Variants in DNAJC14 observed in about 807,000 individuals in gnomAD.
DNAJC14 encodes dnaJ homolog subfamily C member 14.
Under a neutral mutation model 68.8 loss-of-function variants are expected in DNAJC14, and 12 were observed. That is an observed-to-expected ratio of 0.17 (90% confidence interval 0.11 to 0.28). The LOEUF is 0.28. Among genes scored for constraint, DNAJC14 ranks in the 10% least tolerant of loss-of-function variants. The pLI, the probability that DNAJC14 is intolerant of heterozygous loss-of-function variation, is 1.00. For synonymous variants in DNAJC14, 350 were observed against 321.5 expected (o/e 1.09, Z -0.95); for missense variants, 764 against 875.6 (o/e 0.87, Z 1.61).
rs760649302 is a variant in DNAJC14 at position 55,827,596 on chromosome 12, G to C, written c.1063C>G (p.Arg355Gly). The C allele has an allele frequency of 2.2e-5, 36 of 1,606,822 alleles. No individual in the cohort carries two copies. The highest frequency in any genetic ancestry group is 3.0e-5 in the Non-Finnish European group (35 of 1,174,604). The change falls in exon 2 of 7, where the codon CGG (arginine) becomes GGG (glycine). Residue 355 changes from arginine (R) to glycine (G), a missense_variant. Coordinates refer to ENST00000678005, the MANE Select transcript of DNAJC14 (RefSeq NM_032364.6). ...GWRFLVGLGDRLGWRDKATWL... is the reference protein window; with the variant it reads ...GWRFLVGLGDGLGWRDKATWL... ...GTAGCCTTATCCCTCCAGCCTAACC[G>C]GTCACCTAGTCCCACCAGAAACCGC... is the stretch of plus-strand genomic sequence containing the variant.
chr12:55,823,706 T>C (rs1228745697), intron 2 of DNAJC14, among the ~76,000 whole-genome samples, 198 bp from the exon 3 acceptor site: 2 of 125,496 alleles, frequency 1.6e-5, no homozygotes, highest in Non-Finnish European at 3.2e-5. Flanking sequence ...AATATCTTTT[T>C]TTTTTTTTTT....
intron 2 of DNAJC14, among the ~76,000 whole-genome samples, chr12:55,825,149 A>T (rs1880761294): frequency 6.6e-6 from 1 of 151,740 alleles, no homozygotes; most frequent in Non-Finnish European, 1.5e-5. Context: ...AAAAAAAAAA[A>T]AAAGAATATA....
intron 4 of DNAJC14, 60 bp downstream of exon 4, chr12:55,823,010 A>C: frequency 5.0e-6 from 8 of 1,602,524 alleles, no homozygotes; most frequent in Non-Finnish European, 6.8e-6. Flanking sequence ...CACTAGAAAG[A>C]TCCTTGGTTA....
chr12:55,822,087 G>T lies in DNAJC14; in HGVS notation c.1999C>A (p.Pro667Thr), dbSNP rs1196491653. The T allele has an allele frequency of 3.7e-6, 6 of 1,614,000 alleles. No homozygotes were observed. In the Admixed American group the frequency reaches 5.0e-5, roughly 13 times the overall value. The change falls in exon 7 of 7, where the codon CCT becomes ACT. Residue 667 changes from proline (P) to threonine (T), a missense_variant. Pro to Thr is a conservative substitution (Grantham distance 38, BLOSUM62 -1). Transcript: ENST00000678005. The part of the protein sequence containing the change: ...QMPNGNFFAA[P>T]QPAPGAAAAS... The stretch of plus-strand genomic sequence containing the variant: ...GCAGCGGCTCCAGGGGCAGGCTGAG[G>T]AGCTGCAAAGAAGTTCCCATTGGGC...
At chr12:55,827,221 A>C in intron 2 of DNAJC14, 31 bp downstream of exon 2, 1 of 1,405,388 alleles carries the variant, frequency 7.1e-7, no homozygotes, top group Non-Finnish European at 9.3e-7. Flanking sequence ...TGGGAACAAA[A>C]GAGAGAAACA....
At chr12:55,822,936 G>A in intron 4 of DNAJC14, 134 bp downstream of exon 4, 1 of 1,476,504 alleles carries the variant, frequency 6.8e-7, no homozygotes, top group South Asian at 1.3e-5. Context: ...TATGACAAAG[G>A]TAGAAACTTA....
chr12:55,826,885 CTG>C (rs946264028), intron 2 of DNAJC14, among the ~76,000 whole-genome samples: 28 of 151,520 alleles, frequency 1.8e-4, no homozygotes, highest in African/African-American at 6.1e-4. Context: ...CTCCCTAAAA[CTG>C]GAATAGAAAA....
intron 1 of DNAJC14, 139 bp from the exon 2 acceptor site, chr12:55,828,853 A>G: frequency 3.4e-6 from 4 of 1,173,842 alleles, no homozygotes; most frequent in South Asian, 2.0e-5. Context: ...ATTCCTAGCA[A>G]TAAGCCAAAA....
rs990246346 is a variant in DNAJC14 at position 55,821,234 on chromosome 12, G to A, written c.*743C>T. 2 of 152,580 alleles carry A rather than the reference G, an allele frequency of 1.3e-5. No individual in the cohort carries two copies. Among genetic ancestry groups the A allele is most frequent in the African/African-American group, 4.8e-5 (2 of 41,442 alleles). 9.5% of individuals were successfully genotyped at this position (152,580 alleles called of 1,614,324 possible). ...TTTACCCACAAAGTGAAAGTCGAGG[G>A]AAAATTCAGTTTCCAGTCTCTGAAC... On this transcript the variant is annotated 3_prime_UTR_variant, in exon 7 of 7. Coordinates refer to ENST00000678005, the MANE Select transcript of DNAJC14 (RefSeq NM_032364.6).
At chr12:55,824,199 A>C (rs1029921633) in intron 2 of DNAJC14, among the ~76,000 whole-genome samples, 8 of 152,162 alleles carry the variant, frequency 5.3e-5, no homozygotes, top group Non-Finnish European at 7.3e-5. Flanking sequence ...CCTCAATCCC[A>C]GATGAACAGG....
At chr12:55,829,425 ACAGAGCGAGACTC>A (rs1880906789) in intron 1 of DNAJC14, 51 bp downstream of exon 1, 1 of 984,120 alleles carries the variant, frequency 1.0e-6, no homozygotes, top group South Asian at 4.7e-5. Context: ...AGTCTGGGTG[ACAGAGCGAGACTC>A]CATCTCAAAA....
chr12:55,822,388 G>A lies in DNAJC14; in HGVS notation c.1883C>T (p.Thr628Ile). 1.2e-6 allele frequency: 2 copies of A among 1,612,784 alleles called. No homozygotes were observed. The highest frequency in any genetic ancestry group is 1.7e-6 in the Non-Finnish European group (2 of 1,180,002). ...HISFGSRIPG[T>I]RGRQRATPDA... ...TACCACCTACCTCTGCCGCCCTCTGGTGCCTGGAATCCGAGAACCAAATGA... is the reference window on the plus strand; with the variant it reads ...TACCACCTACCTCTGCCGCCCTCTGATGCCTGGAATCCGAGAACCAAATGA... The change falls in exon 6 of 7, where the codon ACC (threonine) becomes ATC (isoleucine). Residue 628 changes from threonine (T) to isoleucine (I), a missense_variant. Around this residue, in one of 4 missense-constraint regions of DNAJC14, gnomAD observed 134 missense variants for 162.3 expected, o/e 0.83. Transcript: ENST00000678005.
chr12:55,829,222 G>T, intron 1 of DNAJC14: 1 of 952,598 alleles, frequency 1.0e-6, no homozygotes, highest in Non-Finnish European at 1.3e-6. Flanking sequence ...CGAGGCCGGC[G>T]GATCACGAGG....
intron 1 of DNAJC14, chr12:55,829,237 G>A (rs913259809): frequency 1.6e-5 from 15 of 928,692 alleles, no homozygotes; most frequent in Non-Finnish European, 1.9e-5. Context: ...ACGAGGTCAG[G>A]AGTTCGAGAC....
In DNAJC14 at chr12:55,822,084, G is replaced by A; in HGVS notation, c.2002C>T (p.Gln668Ter). The A allele has an allele frequency of 6.2e-7, 1 of 1,614,098 alleles. No homozygotes were observed. The highest frequency in any genetic ancestry group is 8.5e-7 in the Non-Finnish European group (1 of 1,179,980). ...MPNGNFFAAP[Q>*]PAPGAAAASK... is the part of the protein sequence containing the mutation. ...GCTGCAGCGGCTCCAGGGGCAGGCT[G>A]AGGAGCTGCAAAGAAGTTCCCATTG... Residue 668 changes from glutamine to a stop codon, truncating the protein, a stop_gained, in exon 7 of 7, where the codon CAG becomes TAG. Transcript: ENST00000678005. LOFTEE classifies it high-confidence loss of function.
At chr12:55,822,538 G>T (rs370082867) in intron 5 of DNAJC14, 34 bp downstream of exon 5, 20 of 1,613,846 alleles carry the variant, frequency 1.2e-5, no homozygotes, top group African/African-American at 2.7e-5. Flanking sequence ...AGATCAGGAA[G>T]TATGAGCCTG....
In DNAJC14 at chr12:55,822,008, C is replaced by G. The variant is rs752033341; in HGVS notation, c.2078G>C (p.Arg693Pro). 6.2e-7 allele frequency: 1 copy of G among 1,612,858 alleles called. No individual in the cohort carries two copies. The highest frequency in any genetic ancestry group is 1.3e-5 in the African/African-American group (1 of 74,926). The change falls in exon 7 of 7, where the codon CGG becomes CCG. Residue 693 changes from arginine to proline, a missense_variant. Coordinates refer to ENST00000678005, the MANE Select transcript of DNAJC14 (RefSeq NM_032364.6). Reference sequence around the variant, plus strand: ...TTGGAAGGGCCTCCTCACTTTCTTCCGCCGCTTAGGTTTGGCTTCTCCCTT... The same window carrying G: ...TTGGAAGGGCCTCCTCACTTTCTTCGGCCGCTTAGGTTTGGCTTCTCCCTT... ...VPKGEAKPKRRKKVRRPFQR is the reference protein window; with the variant it reads ...VPKGEAKPKRPKKVRRPFQR
chr12:55,822,436 G>A lies in DNAJC14; in HGVS notation c.1835C>T (p.Thr612Ile), dbSNP rs2136216338. 6.2e-7 allele frequency: 1 copy of A among 1,613,808 alleles called. No individual in the cohort carries two copies. Among genetic ancestry groups the A allele is most frequent in the South Asian group, 1.1e-5 (1 of 91,038 alleles). The change falls in exon 6 of 7, where the codon ACC becomes ATC. Residue 612 changes from threonine (T) to isoleucine (I), a missense_variant. By Grantham distance (89) the Thr-to-Ile change is moderately conservative. Coordinates refer to ENST00000678005, the MANE Select transcript of DNAJC14 (RefSeq NM_032364.6). The stretch of plus-strand genomic sequence containing the variant: ...TGAGATGTGATAGGGGACTCTGTGG[G>A]TATCTGGGGAGATACCTACACGCTG... Reference protein sequence around the residue: ...GCQRVGISPDTHRVPYHISFG... With the variant: ...GCQRVGISPDIHRVPYHISFG...
chr12:55,822,018 G>A lies in DNAJC14; in HGVS notation c.2068C>T (p.Pro690Ser), dbSNP rs1880679215. ...CTCCTCACTTTCTTCCGCCGCTTAG[G>A]TTTGGCTTCTCCCTTGGGTACTGTG... ...NSTVPKGEAK[P>S]KRRKKVRRPF... The change falls in exon 7 of 7, where the codon CCT becomes TCT. Residue 690 changes from proline (P) to serine (S), a missense_variant. By Grantham distance (74) the Pro-to-Ser change is moderately conservative (BLOSUM62 -1). Around this residue, in one of 4 missense-constraint regions of DNAJC14, gnomAD observed 134 missense variants for 162.3 expected, o/e 0.83. Transcript: ENST00000678005. 4 of 1,613,810 alleles carry A rather than the reference G, an allele frequency of 2.5e-6. No individual in the cohort carries two copies. The highest frequency in any genetic ancestry group is 3.3e-5 in the Admixed American group (2 of 59,942).
Sources: gnomAD v4.1 joint callset for allele counts (sites outside exome capture counted in the v4.1 genomes callset) on GRCh38, gnomAD v4.1.1 for gene constraint, gnomAD v4.1.1 regional missense constraint, MANE v1.5 for transcripts, NCBI Gene and HGNC (gene_info 2026-07-23, HGNC 2026-07-21) for gene names.